Variants in DAB1 observed in about 807,000 individuals in gnomAD.
DAB1 encodes the protein DAB adaptor protein 1.
In DAB1, 15 loss-of-function variants were observed where a neutral mutation model predicts 64.6. The observed-to-expected ratio is 0.23, with a 90% CI of 0.16 to 0.36. The LOEUF (loss-of-function observed/expected upper bound fraction) is 0.36. Among genes scored for constraint, DAB1 ranks in the 10% least tolerant of loss-of-function variants. The probability of loss-of-function intolerance (pLI) is 1.00; values close to 1 mark genes in which losing one functional copy is unlikely to be tolerated. For missense variants in DAB1, 596 were observed against 706.7 expected, an observed-to-expected ratio of 0.84 and a Z score of 1.78; for synonymous variants, 235 against 251.9, an observed-to-expected ratio of 0.93 and a Z score of 0.64.
intron 6 of DAB1, among the ~76,000 whole-genome samples, chr1:57,769,354 T>C (rs983682143): frequency 1.3e-5 from 2 of 152,182 alleles, no homozygotes; most frequent in African/African-American, 4.8e-5. Flanking sequence ...TGACCTTTCC[T>C]GGGTCTTGTG....
In DAB1 at chr1:57,249,210, T is replaced by A. The variant is rs528200973; in HGVS notation, c.67+41754A>T. ...ACTGAATTTTGATGTGGATCTTGTA[T>A]GTATAGAGAAAAAAATCCACATTTT... On this transcript the variant is annotated intron_variant, in intron 2 of 14. Coordinates refer to ENST00000371236, the MANE Select transcript of DAB1 (RefSeq NM_001365792.1). Among the ~76,000 whole-genome samples the A allele has an allele frequency of 3.8e-5, 4 of 106,230 alleles. No individual in the cohort carries two copies. In the Admixed American group the frequency reaches 4.4e-4, roughly 12 times the overall value. The allele number at this position is 106,230 out of a possible 152,430, so 69.7% of individuals were successfully genotyped here.
At chr1:58,160,432 A>G (rs922529826) in intron 4 of DAB1, among the ~76,000 whole-genome samples, 4 of 152,172 alleles carry the variant, frequency 2.6e-5, no homozygotes, top group Non-Finnish European at 5.9e-5. Flanking sequence ...CCACTCAAGA[A>G]AAGCAAATCC....
At chr1:57,917,875 T>C (rs1351824889) in intron 5 of DAB1, among the ~76,000 whole-genome samples, 4 of 152,102 alleles carry the variant, frequency 2.6e-5, no homozygotes, top group Non-Finnish European at 1.5e-5. Context: ...CATCTACCTC[T>C]TGTCCTGTAA....
At chr1:57,506,605 C>T (rs893672200) in intron 7 of DAB1, among the ~76,000 whole-genome samples, 8 of 152,176 alleles carry the variant, frequency 5.3e-5, no homozygotes, top group African/African-American at 1.9e-4. Flanking sequence ...TGCATTTGAT[C>T]ACAAGGGAAG....
chr1:57,170,662 G>A lies in DAB1; in HGVS notation c.68-25233C>T, dbSNP rs145566994. On this transcript the variant is annotated intron_variant, in intron 2 of 14. Coordinates refer to ENST00000371236, the MANE Select transcript of DAB1 (RefSeq NM_001365792.1). The stretch of plus-strand genomic sequence containing the variant: ...ATGCAGGTCTCTGAGTCCAACGTCC[G>A]TGCTCTCTGATATGGCTCCATTGTC... Among the ~76,000 whole-genome samples, 12 of 152,230 alleles carry A rather than the reference G, an allele frequency of 7.9e-5. No individual in the cohort carries two copies. In the East Asian group the frequency reaches 1.2e-3, roughly 15 times the overall value.
intron 4 of DAB1, among the ~76,000 whole-genome samples, chr1:58,328,058 C>G (rs550992122): frequency 6.6e-6 from 1 of 152,242 alleles, no homozygotes; most frequent in East Asian, 1.9e-4. Context: ...GCAGTTCAGC[C>G]CTGATGGTCA....
intron 6 of DAB1, among the ~76,000 whole-genome samples, chr1:57,773,253 A>C (rs960663329): frequency 2.6e-5 from 4 of 151,740 alleles, no homozygotes; most frequent in Admixed American, 1.3e-4. Context: ...AGCTAATTAC[A>C]TGTGTGTATA....
intron 4 of DAB1, among the ~76,000 whole-genome samples, chr1:58,259,886 T>C (rs1422246521): frequency 6.6e-6 from 1 of 152,218 alleles, no homozygotes; most frequent in African/African-American, 2.4e-5. Context: ...AACACTTACA[T>C]AGGTCTTACT....
chr1:57,002,222 G>C (rs569339524), intron 14 of DAB1, among the ~76,000 whole-genome samples: 71 of 152,252 alleles, frequency 4.7e-4, no homozygotes, highest in Middle Eastern at 3.4e-3. Context: ...TTTCTCGAAG[G>C]TGCAGTAAAA....
At chr1:57,523,213 T>G (rs1264571097) in intron 7 of DAB1, among the ~76,000 whole-genome samples, 1 of 152,160 alleles carries the variant, frequency 6.6e-6, no homozygotes, top group African/African-American at 2.4e-5. Context: ...TACCATAAAC[T>G]AGACTCCTGC....
intron 6 of DAB1, among the ~76,000 whole-genome samples, chr1:57,743,905 G>A (rs180976376): frequency 3.9e-5 from 6 of 152,346 alleles, no homozygotes; most frequent in African/African-American, 1.4e-4. Context: ...GGAAATGAAG[G>A]GATGGGCTGA....
chr1:58,463,933 G>C (rs900815118), intron 3 of DAB1, among the ~76,000 whole-genome samples: 1 of 152,260 alleles, frequency 6.6e-6, no homozygotes, highest in African/African-American at 2.4e-5. Flanking sequence ...CCCAAAGCTA[G>C]GAAGAGATAG....
chr1:57,310,996 TA>T (rs376897390), intron 1 of DAB1, among the ~76,000 whole-genome samples: 48 of 144,834 alleles, frequency 3.3e-4, no homozygotes, highest in South Asian at 8.8e-4. Flanking sequence ...AGCCCATCTC[TA>T]AAAAAAAAAA....
At chr1:57,370,331 TAGAGA>T (rs1558255438) in intron 1 of DAB1, among the ~76,000 whole-genome samples, 3 of 152,144 alleles carry the variant, frequency 2.0e-5, no homozygotes. Flanking sequence ...GATAACTGAA[TAGAGA>T]AGAGACCTGG....
chr1:57,132,249 G>T (rs1401803250), intron 4 of DAB1, among the ~76,000 whole-genome samples: 2 of 152,184 alleles, frequency 1.3e-5, no homozygotes, highest in East Asian at 3.9e-4. Context: ...AAAATGAAAT[G>T]ACTTCGTGAT....
intron 5 of DAB1, among the ~76,000 whole-genome samples, chr1:58,121,640 T>G (rs1351154216): frequency 6.6e-6 from 1 of 152,164 alleles, no homozygotes; most frequent in Non-Finnish European, 1.5e-5. Flanking sequence ...AGCCAATACT[T>G]CATGTCTGCC....
intron 5 of DAB1, among the ~76,000 whole-genome samples, chr1:58,017,070 T>C (rs1003498856): frequency 6.6e-6 from 1 of 152,040 alleles, no homozygotes; most frequent in Non-Finnish European, 1.5e-5. Context: ...AGCACCATAA[T>C]GGGAGGCATA....
In DAB1 at chr1:58,310,808, A is replaced by AT. The variant is rs201236114; in HGVS notation, n.309+32543dup. ...CTTACATATACCAATATTCACTCGT[A>AT]TAATCATTCCATGACCCCTTGCTGA... On this transcript the variant is annotated intron_variant and non_coding_transcript_variant, in intron 4 of 20. Transcript: ENST00000485760. 4.9e-3 allele frequency among the ~76,000 whole-genome samples: 750 copies of AT among 152,274 alleles called. 25 individuals are homozygous for AT. Among genetic ancestry groups the AT allele is most frequent in the East Asian group, 6.6e-3 (34 of 5,180 alleles).
intron 2 of DAB1, among the ~76,000 whole-genome samples, chr1:57,226,672 A>AAAATAT (rs747021990): frequency 4.3e-4 from 59 of 135,986 alleles, no homozygotes; most frequent in African/African-American, 1.5e-3. Flanking sequence ...TTAAAAAAAA[A>AAAATAT]ATATATATAT....
Sources: allele counts gnomAD v4.1 joint callset (sites outside exome capture counted in the v4.1 genomes callset), GRCh38; gene constraint gnomAD v4.1.1; transcripts MANE v1.5; gene names NCBI Gene and HGNC (gene_info 2026-07-23, HGNC 2026-07-21).